Variants in FREM1 observed in about 807,000 individuals in gnomAD.
The protein encoded by FREM1 is FRAS1 related extracellular matrix 1.
Under a neutral mutation model 210.1 loss-of-function variants are expected in FREM1, and 220 were observed. The ratio of observed to expected loss-of-function variants is 1.05; its 90% confidence interval spans 0.94 to 1.17. FREM1 has a LOEUF of 1.17. Ranked by LOEUF, FREM1 falls within the 50% of genes most tolerant of loss-of-function variation. The pLI, the probability that FREM1 is intolerant of heterozygous loss-of-function variation, is 0.00. For synonymous variants in FREM1, 1,189 were observed against 980.2 expected, an observed-to-expected ratio of 1.21 and a Z score of -3.98; for missense variants, 3,454 against 2,675.5, an observed-to-expected ratio of 1.29 and a Z score of -6.42.
intron 1 of FREM1, 34 bp from the exon 2 acceptor site, chr9:14,869,278 G>C: frequency 3.3e-6 from 1 of 306,816 alleles, no homozygotes; most frequent in East Asian, 5.2e-5. Context: ...AGTAAAGCGA[G>C]AGAGAGACCA....
At chr9:14,858,052 T>C (rs1395426818) in intron 4 of FREM1, among the ~76,000 whole-genome samples, 1 of 152,220 alleles carries the variant, frequency 6.6e-6, no homozygotes, top group African/African-American at 2.4e-5. Flanking sequence ...AGTGACTCAC[T>C]GCAGGCCTTC....
chr9:14,790,454 G>C lies in FREM1; in HGVS notation c.3982-1340C>G, dbSNP rs934834407. ...ATTTGCCAATATAATTTTTAAAACA[G>C]ACTCTTTCAGGTTTTAAACGGGAAA... is the stretch of plus-strand genomic sequence containing the variant. On this transcript the variant is annotated intron_variant, in intron 22 of 36. Coordinates refer to ENST00000380880, the MANE Select transcript of FREM1 (RefSeq NM_001379081.2). Among the ~76,000 whole-genome samples the C allele has an allele frequency of 5.3e-5, 8 of 152,086 alleles. No individual in the cohort carries two copies. The East Asian group carries it at 1.5e-3, about 29-fold the overall frequency.
chr9:14,845,808 G>C lies in FREM1; in HGVS notation c.1393+152C>G, dbSNP rs75572999. ...TTGATCTGAGCATTTGAACACAAAA[G>C]TCAATGATTTCAAGATCTCCAGATT... On this transcript the variant is annotated intron_variant, in intron 8 of 36. Coordinates refer to ENST00000380880, the MANE Select transcript of FREM1 (RefSeq NM_001379081.2). Among the ~76,000 whole-genome samples the C allele has an allele frequency of 7.2e-3, 1,100 of 152,284 alleles. 18 individuals carry two copies. Among genetic ancestry groups the C allele is most frequent in the African/African-American group, 0.024 (989 of 41,560 alleles).
At chr9:14,780,654 T>C (rs1318133501) in intron 24 of FREM1, among the ~76,000 whole-genome samples, 1 of 152,088 alleles carries the variant, frequency 6.6e-6, no homozygotes, top group African/African-American at 2.4e-5. Flanking sequence ...AATCTGACTA[T>C]TAAACTCCCC....
chr9:14,758,732 A>T (rs1014995574), intron 28 of FREM1, among the ~76,000 whole-genome samples: 1 of 152,070 alleles, frequency 6.6e-6, no homozygotes, highest in South Asian at 2.1e-4. Flanking sequence ...AGTGTGTACA[A>T]GTGTTTCATG....
intron 10 of FREM1, among the ~76,000 whole-genome samples, chr9:14,831,492 G>A (rs928815249): frequency 6.6e-6 from 1 of 152,130 alleles, no homozygotes; most frequent in African/African-American, 2.4e-5. Flanking sequence ...TCTCGATATT[G>A]TCCCACTGGC....
rs140309021 is a variant in FREM1, at chr9:14,880,729, A to G, written c.-267-11485T>C. Among the ~76,000 whole-genome samples, 733 of 152,330 alleles carry G rather than the reference A, an allele frequency of 4.8e-3. 5 individuals carry two copies. Among genetic ancestry groups the G allele is most frequent in the African/African-American group, 0.017 (713 of 41,572 alleles). ...TTAAAGGCTTTTTAAATATATGTAGATAACTTGAAAATAAACATTTTTATG... is the reference window on the plus strand; with the variant it reads ...TTAAAGGCTTTTTAAATATATGTAGGTAACTTGAAAATAAACATTTTTATG... On this transcript the variant is annotated intron_variant, in intron 1 of 36. Coordinates refer to ENST00000380880, the MANE Select transcript of FREM1 (RefSeq NM_001379081.2).
At chr9:14,876,329 A>G (rs1833731700) in intron 1 of FREM1, among the ~76,000 whole-genome samples, 1 of 152,116 alleles carries the variant, frequency 6.6e-6, no homozygotes, top group Non-Finnish European at 1.5e-5. Context: ...GGTGGGCTCC[A>G]CGCAGTTCGA....
chr9:14,905,816 G>C (rs1817593564), intron 1 of FREM1, among the ~76,000 whole-genome samples: 1 of 152,092 alleles, frequency 6.6e-6, no homozygotes. Flanking sequence ...GCTTGAACCA[G>C]GGAGGCAGAG....
chr9:14,850,618 G>A (rs1254583129), intron 6 of FREM1: 2 of 152,142 alleles, frequency 1.3e-5, no homozygotes, highest in African/African-American at 2.4e-5. Flanking sequence ...TGCATGCTGG[G>A]CTTACTACCT....
chr9:14,762,153 T>A (rs1478398622), intron 27 of FREM1, among the ~76,000 whole-genome samples: 2 of 151,488 alleles, frequency 1.3e-5, no homozygotes, highest in Non-Finnish European at 2.9e-5. Flanking sequence ...AATAGAAATA[T>A]GTTGCAAAGA....
chr9:14,764,626 G>A (rs532693829), intron 27 of FREM1, among the ~76,000 whole-genome samples: 1 of 152,162 alleles, frequency 6.6e-6, no homozygotes, highest in Non-Finnish European at 1.5e-5. Context: ...CTGGGAAGAG[G>A]ATGGTGCTGG....
chr9:14,857,508 T>C, intron 5 of FREM1, 45 bp downstream of exon 5: 1 of 1,505,248 alleles, frequency 6.6e-7, no homozygotes, highest in Non-Finnish European at 9.2e-7. Flanking sequence ...ACTGGCTCTC[T>C]TACTGTGAAT....
At chr9:14,895,934 G>C (rs1837635356) in intron 1 of FREM1, among the ~76,000 whole-genome samples, 1 of 152,120 alleles carries the variant, frequency 6.6e-6, no homozygotes, top group Admixed American at 6.5e-5. Context: ...GGAAATGTCA[G>C]AGGCATTTGA....
intron 1 of FREM1, among the ~76,000 whole-genome samples, chr9:14,907,180 ATAT>A (rs1370611488): frequency 6.6e-5 from 10 of 150,860 alleles, no homozygotes; most frequent in African/African-American, 2.5e-4. Context: ...CCACTCAAAC[ATAT>A]TATCTTCAGA....
chr9:14,814,486 C>A (rs11794906), intron 15 of FREM1, among the ~76,000 whole-genome samples: 28,857 of 152,080 alleles, frequency 0.19, 3,329 homozygotes, highest in Middle Eastern at 0.29. Flanking sequence ...AACTCTAAAA[C>A]AAATATACAT....
chr9:14,746,514 C>A (rs1216587658), intron 34 of FREM1, 46 bp from the exon 35 acceptor site: 1 of 1,490,070 alleles, frequency 6.7e-7, no homozygotes, highest in Non-Finnish European at 9.4e-7. Flanking sequence ...TCTTTACAAT[C>A]TGGAGTTGGT....
At chr9:14,819,138 A>C in intron 14 of FREM1, 96 bp downstream of exon 14, 1 of 818,246 alleles carries the variant, frequency 1.2e-6, no homozygotes. Context: ...GTATCCTTTA[A>C]GAAATTGGAC....
chr9:14,814,666 C>T (rs961856240), intron 15 of FREM1, among the ~76,000 whole-genome samples: 4 of 152,120 alleles, frequency 2.6e-5, no homozygotes, highest in Non-Finnish European at 5.9e-5. Context: ...TTGTTCTTGA[C>T]CCTGAGGAAT....
Sources: allele counts gnomAD v4.1 joint callset (sites outside exome capture counted in the v4.1 genomes callset), GRCh38; gene constraint gnomAD v4.1.1; transcripts MANE v1.5; gene names NCBI Gene and HGNC (gene_info 2026-07-23, HGNC 2026-07-21).